Variants in PLCH1 observed in about 807,000 individuals in gnomAD.
PLCH1 encodes phospholipase C eta 1.
Under a neutral mutation model 126.7 loss-of-function variants are expected in PLCH1, and 60 were observed. The observed-to-expected ratio is 0.47, with a 90% CI of 0.38 to 0.59. The LOEUF (loss-of-function observed/expected upper bound fraction) is 0.59. Among genes scored for constraint, PLCH1 ranks in the 20% least tolerant of loss-of-function variants. The pLI is 0.00. For missense variants in PLCH1, 1,723 were observed against 2,040.0 expected (o/e 0.84, Z 2.99); for synonymous variants, 719 against 734.9 (o/e 0.98, Z 0.35).
intron 2 of PLCH1, among the ~76,000 whole-genome samples, chr3:155,661,256 GGA>G (rs904442373): frequency 6.6e-6 from 1 of 151,880 alleles, no homozygotes. Flanking sequence ...TAGAGAGCAG[GGA>G]GAGAGAGAGA....
At chr3:155,722,915 T>C (rs751437458) in intron 1 of PLCH1, among the ~76,000 whole-genome samples, 46 of 152,330 alleles carry the variant, frequency 3.0e-4, no homozygotes, top group African/African-American at 1.1e-3. Context: ...CTTCTTTGAA[T>C]GTCTGATAGA....
chr3:155,463,504 G>A (rs1054901306), intron 21 of PLCH1, among the ~76,000 whole-genome samples: 1 of 152,144 alleles, frequency 6.6e-6, no homozygotes, highest in African/African-American at 2.4e-5. Context: ...ACTAACGTAG[G>A]AGTTGGAATA....
intron 21 of PLCH1, among the ~76,000 whole-genome samples, chr3:155,472,702 C>T (rs1713325773): frequency 6.6e-6 from 1 of 150,484 alleles, no homozygotes; most frequent in African/African-American, 2.5e-5. Flanking sequence ...AAAACGAATC[C>T]AGCAGCACAT....
At chr3:155,486,037 A>T in intron 21 of PLCH1, 1 of 711,186 alleles carries the variant, frequency 1.4e-6, no homozygotes, top group Non-Finnish European at 2.4e-6. Flanking sequence ...CAACAGATGC[A>T]TGTTTCAAAG....
intron 1 of PLCH1, among the ~76,000 whole-genome samples, chr3:155,733,682 A>C (rs1356332574): frequency 6.6e-6 from 1 of 152,106 alleles, no homozygotes; most frequent in Non-Finnish European, 1.5e-5. Context: ...ATGACCCCAA[A>C]AGCACAATAA....
chr3:155,687,293 G>A (rs918524315), intron 2 of PLCH1, among the ~76,000 whole-genome samples: 1 of 152,002 alleles, frequency 6.6e-6, no homozygotes, highest in African/African-American at 2.4e-5. Context: ...TAGTCGACTA[G>A]CACAAAAATG....
chr3:155,714,123 C>T (rs958048804), intron 1 of PLCH1, among the ~76,000 whole-genome samples: 2 of 152,158 alleles, frequency 1.3e-5, no homozygotes, highest in Admixed American at 6.5e-5. Context: ...TGTACTTCGG[C>T]CTCTGACATA....
At chr3:155,690,923 A>G (rs1371319677) in intron 2 of PLCH1, among the ~76,000 whole-genome samples, 1 of 152,142 alleles carries the variant, frequency 6.6e-6, no homozygotes, top group Non-Finnish European at 1.5e-5. Context: ...ACAAGCTCCC[A>G]GGGACCACTC....
At chr3:155,732,529 A>AT (rs1417952263) in intron 1 of PLCH1, among the ~76,000 whole-genome samples, 1 of 152,014 alleles carries the variant, frequency 6.6e-6, no homozygotes, top group African/African-American at 2.4e-5. Flanking sequence ...GAAAAAAAAA[A>AT]AAAAGAACTA....
intron 1 of PLCH1, among the ~76,000 whole-genome samples, chr3:155,730,804 T>C (rs1377128110): frequency 6.6e-6 from 1 of 152,172 alleles, no homozygotes. Context: ...AGTTTTACAT[T>C]ACCCAGGTCA....
chr3:155,744,115 A>G (rs1577398136), intron 1 of PLCH1, among the ~76,000 whole-genome samples: 1 of 152,280 alleles, frequency 6.6e-6, no homozygotes, highest in African/African-American at 2.4e-5. Flanking sequence ...AGCCTCGGGA[A>G]GGAGGGGAGA....
At chr3:155,546,541 T>G (rs1375558308) in intron 10 of PLCH1, among the ~76,000 whole-genome samples, 1 of 152,138 alleles carries the variant, frequency 6.6e-6, no homozygotes, top group African/African-American at 2.4e-5. Flanking sequence ...AAAACTACTT[T>G]AAAGTTCATA....
At position 155,599,657 on chromosome 3, in the gene PLCH1, G is replaced by A. The variant is rs983566738; in HGVS notation, c.80-3279C>T. The stretch of plus-strand genomic sequence containing the variant: ...ATTGTTTAAGCCAGAGTGGAAAACC[G>A]AGTTAACTATATTATCAGAGATCTA... On this transcript the variant is annotated intron_variant, in intron 2 of 22. Coordinates refer to ENST00000460012, the MANE Select transcript of PLCH1 (RefSeq NM_014996.4). 4.6e-5 allele frequency among the ~76,000 whole-genome samples: 7 copies of A among 152,274 alleles called. No homozygotes were observed. The East Asian group carries it at 9.7e-4, about 21-fold the overall frequency.
chr3:155,498,404 A>ACG (rs1717389661), intron 14 of PLCH1, among the ~76,000 whole-genome samples: 1 of 152,170 alleles, frequency 6.6e-6, no homozygotes, highest in South Asian at 2.1e-4. Context: ...TCTCATGATG[A>ACG]CGTGGGGACT....
At chr3:155,612,545 GA>G (rs1201468661) in intron 2 of PLCH1, among the ~76,000 whole-genome samples, 2 of 151,250 alleles carry the variant, frequency 1.3e-5, no homozygotes, top group Non-Finnish European at 2.9e-5. Context: ...AAAAAAAAAA[GA>G]TAAATGAACA....
At chr3:155,515,603 T>A (rs1720203968) in intron 11 of PLCH1, among the ~76,000 whole-genome samples, 1 of 152,262 alleles carries the variant, frequency 6.6e-6, no homozygotes, top group Non-Finnish European at 1.5e-5. Context: ...GTCCAGATGA[T>A]GACTCACAGA....
chr3:155,617,829 C>G (rs1278408921), intron 2 of PLCH1, among the ~76,000 whole-genome samples: 3 of 152,270 alleles, frequency 2.0e-5, no homozygotes, highest in East Asian at 3.9e-4. Flanking sequence ...AGTCCCTGTA[C>G]AGGAGTCCTA....
At chr3:155,623,108 C>T (rs898337287) in intron 2 of PLCH1, among the ~76,000 whole-genome samples, 1 of 152,186 alleles carries the variant, frequency 6.6e-6, no homozygotes, top group Non-Finnish European at 1.5e-5. Flanking sequence ...GATTAAGAAA[C>T]TCCCTCAAAA....
At chr3:155,560,574 C>A (rs1210771005) in intron 8 of PLCH1, among the ~76,000 whole-genome samples, 1 of 152,146 alleles carries the variant, frequency 6.6e-6, no homozygotes, top group Non-Finnish European at 1.5e-5. Flanking sequence ...GTTTTTAATA[C>A]CTGCCCATTT....
Sources: gnomAD v4.1 joint callset for allele counts (sites outside exome capture counted in the v4.1 genomes callset) on GRCh38, gnomAD v4.1.1 for gene constraint, MANE v1.5 for transcripts, NCBI Gene and HGNC (gene_info 2026-07-23, HGNC 2026-07-21) for gene names.